The following KIRREL3 variants were observed in gnomAD, a reference collection of about 807,000 sequenced individuals.
KIRREL3 encodes the protein kirre like nephrin family adhesion molecule 3, also known as kin of IRRE-like protein 3.
Under a neutral mutation model 89.7 loss-of-function variants are expected in KIRREL3, and 36 were observed. The observed-to-expected ratio is 0.40, with a 90% CI of 0.31 to 0.53. The LOEUF (loss-of-function observed/expected upper bound fraction) is 0.53. Among genes scored for constraint, KIRREL3 ranks in the 20% least tolerant of loss-of-function variants. The pLI is 0.49. For missense variants in KIRREL3, 864 were observed against 1,056.6 expected (o/e 0.82, Z 2.53); for synonymous variants, 445 against 441.4 (o/e 1.01, Z -0.10).
At chr11:126,536,302 C>A (rs552318899) in intron 2 of KIRREL3, among the ~76,000 whole-genome samples, 1 of 151,982 alleles carries the variant, frequency 6.6e-6, no homozygotes, top group South Asian at 2.1e-4. Context: ...AGGAAGGTGG[C>A]CCAGTATCCT....
Position 126,508,679 on chromosome 11 carries a change from A to G in KIRREL3, c.433+12636T>C, listed in dbSNP as rs1274520304. Among the ~76,000 whole-genome samples the G allele has an allele frequency of 6.6e-6, 1 of 152,060 alleles. No individual in the cohort carries two copies. ...GGGGCATAATTGAGCATAAAGGGCC[A>G]GGGTTTCAGAGCCAGAAGCGACTGC... On this transcript the variant is annotated intron_variant, in intron 4 of 16. Transcript: ENST00000525144. The surrounding 1 kb of genome is among the most constrained non-coding windows in gnomAD (Gnocchi z 4.9).
In KIRREL3 at chr11:126,687,819, T is replaced by G. The variant is rs190286923; in HGVS notation, c.56-124907A>C. 3.6e-3 allele frequency among the ~76,000 whole-genome samples: 553 copies of G among 152,210 alleles called. 2 individuals are homozygous for G. Among genetic ancestry groups the G allele is most frequent in the African/African-American group, 0.012 (505 of 41,526 alleles). On this transcript the variant is annotated intron_variant, in intron 1 of 16. Transcript: ENST00000525144. The surrounding 1 kb of genome is among the most constrained non-coding windows in gnomAD (Gnocchi z 4.6). ...ACAGGCAAAGAGAGATGCGGTGAAA[T>G]GGCCATGGGAGCACAGCCTTGAAGA...
chr11:126,774,122 G>A (rs1011749383), intron 1 of KIRREL3, among the ~76,000 whole-genome samples: 6 of 143,518 alleles, frequency 4.2e-5, no homozygotes, highest in Non-Finnish European at 7.6e-5. Flanking sequence ...GTAGGAGCTT[G>A]TATTTAATCT....
At position 126,683,862 on chromosome 11, in the gene KIRREL3, G is replaced by A. The variant is rs138450647; in HGVS notation, c.56-120950C>T. ...GAAACCCTCGCCAGGCCCCAGACGC[G>A]CGTGGGTCCACCTACCGTCCATCTA... On this transcript the variant is annotated intron_variant, in intron 1 of 16. Coordinates refer to ENST00000525144, the MANE Select transcript of KIRREL3 (RefSeq NM_032531.4). This position sits in a 1 kb window ranked among gnomAD's most constrained non-coding sequence, Gnocchi z 5.2. Among the ~76,000 whole-genome samples the A allele has an allele frequency of 1.6e-4, 25 of 152,324 alleles. No homozygotes were observed. The highest frequency in any genetic ancestry group is 6.2e-4 in the South Asian group (3 of 4,828).
rs79316212 is a variant in KIRREL3, at chr11:126,950,652, G to A, written c.55+49803C>T. Among the ~76,000 whole-genome samples the A allele has an allele frequency of 6.5e-3, 987 of 152,324 alleles. 7 individuals are homozygous for A. Among genetic ancestry groups the A allele is most frequent in the African/African-American group, 0.022 (922 of 41,574 alleles). ...TGTAGAAAGTTACATTCTCCTTAAT[G>A]TGGATGCCTTCACCAACTGCTGCTC... is the stretch of plus-strand genomic sequence containing the variant. On this transcript the variant is annotated intron_variant, in intron 1 of 16. Coordinates refer to ENST00000525144, the MANE Select transcript of KIRREL3 (RefSeq NM_032531.4).
rs1197914804 is a variant in KIRREL3 at position 126,948,180 on chromosome 11, T to G, written c.55+52275A>C. ...TGCTTTTTGTAATCAACTTAAAGTA[T>G]AATACCTACCACGCTTGATGTCTTT... On this transcript the variant is annotated intron_variant, in intron 1 of 16. Transcript: ENST00000525144. The surrounding 1 kb of genome is among the most constrained non-coding windows in gnomAD (Gnocchi z 4.5). 6.6e-6 allele frequency among the ~76,000 whole-genome samples: 1 copy of G among 152,230 alleles called. No individual in the cohort carries two copies. Among genetic ancestry groups the G allele is most frequent in the Non-Finnish European group, 1.5e-5 (1 of 68,034 alleles).
rs1949712094 is a variant in KIRREL3, at chr11:126,763,049, A to T, written c.56-200137T>A. 2.0e-5 allele frequency among the ~76,000 whole-genome samples: 3 copies of T among 152,140 alleles called. No individual in the cohort carries two copies. Among genetic ancestry groups the T allele is most frequent in the Admixed American group, 2.0e-4 (3 of 15,278 alleles). On this transcript the variant is annotated intron_variant, in intron 1 of 16. Transcript: ENST00000525144. The surrounding 1 kb of genome is among the most constrained non-coding windows in gnomAD (Gnocchi z 4.7). ...TTCAACTTTGAGAGCATAACTAGGT[A>T]GGTAGAGAGGGGCTATGCCCAGGAG...
intron 1 of KIRREL3, among the ~76,000 whole-genome samples, chr11:126,941,751 A>C (rs1158011015): frequency 6.6e-6 from 1 of 152,216 alleles, no homozygotes; most frequent in Non-Finnish European, 1.5e-5. Context: ...GCTATCCCCA[A>C]ATCAGGGGCC....
At chr11:126,482,148 C>T (rs367565067) in intron 4 of KIRREL3, among the ~76,000 whole-genome samples, 1 of 152,196 alleles carries the variant, frequency 6.6e-6, no homozygotes, top group East Asian at 1.9e-4. Flanking sequence ...AAGTGATTCT[C>T]CTGCCTCAGC....
At position 126,748,907 on chromosome 11, in the gene KIRREL3, T is replaced by A. The variant is rs1255764382; in HGVS notation, c.56-185995A>T. Among the ~76,000 whole-genome samples the A allele has an allele frequency of 6.6e-6, 1 of 152,234 alleles. No individual in the cohort carries two copies. Among genetic ancestry groups the A allele is most frequent in the Non-Finnish European group, 1.5e-5 (1 of 68,044 alleles). Reference sequence around the variant, plus strand: ...ATTTGCAAGACCAAGTAATTCCTTCTCAGTTCATTGCCTCGTAGGTGGGAG... The same window carrying A: ...ATTTGCAAGACCAAGTAATTCCTTCACAGTTCATTGCCTCGTAGGTGGGAG... On this transcript the variant is annotated intron_variant, in intron 1 of 16. Transcript: ENST00000525144. The surrounding 1 kb of genome is among the most constrained non-coding windows in gnomAD (Gnocchi z 4.6).
rs537003704 is a variant in KIRREL3, at chr11:126,723,242, C to T, written c.56-160330G>A. ...ATTTCCCCCACTGAAACCTCCACAG[C>T]CCTCCTAGCAGAGACAGACACACTT... On this transcript the variant is annotated intron_variant, in intron 1 of 16. Transcript: ENST00000525144. The surrounding 1 kb of genome is among the most constrained non-coding windows in gnomAD (Gnocchi z 4.0). Among the ~76,000 whole-genome samples, 2 of 152,266 alleles carry T rather than the reference C, an allele frequency of 1.3e-5. No individual in the cohort carries two copies. The highest frequency in any genetic ancestry group is 4.8e-5 in the African/African-American group (2 of 41,546).
At chr11:126,499,385 A>G (rs939968043) in intron 4 of KIRREL3, among the ~76,000 whole-genome samples, 3 of 152,128 alleles carry the variant, frequency 2.0e-5, no homozygotes, top group Non-Finnish European at 4.4e-5. Flanking sequence ...TTCTGTTAAC[A>G]GGACCTAACT....
chr11:126,783,939 C>T lies in KIRREL3; in HGVS notation c.55+216516G>A, dbSNP rs905980551. 6.6e-5 allele frequency among the ~76,000 whole-genome samples: 10 copies of T among 152,138 alleles called. No individual in the cohort carries two copies. Among genetic ancestry groups the T allele is most frequent in the Admixed American group, 3.3e-4 (5 of 15,286 alleles). ...GATAGCACACACCCTTGATAGGATACGATGGAAACAGCACTTGTCTTTGTG... is the reference window on the plus strand; with the variant it reads ...GATAGCACACACCCTTGATAGGATATGATGGAAACAGCACTTGTCTTTGTG... On this transcript the variant is annotated intron_variant, in intron 1 of 16. Transcript: ENST00000525144. The surrounding 1 kb of genome is among the most constrained non-coding windows in gnomAD (Gnocchi z 4.3).
intron 1 of KIRREL3, among the ~76,000 whole-genome samples, chr11:126,598,789 CT>C (rs1942513006): frequency 6.6e-6 from 1 of 152,204 alleles, no homozygotes; most frequent in South Asian, 2.1e-4. Context: ...CTTAATTTTT[CT>C]GGGCTTCGGT....
chr11:126,679,794 C>A (rs1395083108), intron 1 of KIRREL3, among the ~76,000 whole-genome samples: 1 of 152,138 alleles, frequency 6.6e-6, no homozygotes, highest in Non-Finnish European at 1.5e-5. Flanking sequence ...CTCCAAATAG[C>A]CGGGGTTGAA....
intron 1 of KIRREL3, among the ~76,000 whole-genome samples, chr11:126,979,386 G>A (rs1452324739): frequency 6.6e-6 from 1 of 152,106 alleles, no homozygotes; most frequent in Non-Finnish European, 1.5e-5. Context: ...CATTACAATA[G>A]CTATTAACAT....
At chr11:126,863,436 CGTGTGTGA>C (rs1944783747) in intron 1 of KIRREL3, among the ~76,000 whole-genome samples, 6 of 60,462 alleles carry the variant, frequency 9.9e-5, no homozygotes, top group South Asian at 1.4e-3. Context: ...TGTGTGAGTG[CGTGTGTGA>C]GTGTGTGTGT....
chr11:126,747,376 C>T lies in KIRREL3; in HGVS notation c.56-184464G>A, dbSNP rs935527658. On this transcript the variant is annotated intron_variant, in intron 1 of 16. Coordinates refer to ENST00000525144, the MANE Select transcript of KIRREL3 (RefSeq NM_032531.4). This position sits in a 1 kb window ranked among gnomAD's most constrained non-coding sequence, Gnocchi z 4.7. ...AGTCCTCCATACTGAAAGCTAGTAC[C>T]GTCGTCCCATGCTCTTCCCCATTAT... 7.2e-5 allele frequency among the ~76,000 whole-genome samples: 11 copies of T among 152,194 alleles called. No homozygotes were observed. The highest frequency in any genetic ancestry group is 1.7e-4 in the African/African-American group (7 of 41,446).
In KIRREL3 at chr11:126,976,676, T is replaced by C. The variant is rs1949585515; in HGVS notation, c.55+23779A>G. Among the ~76,000 whole-genome samples the C allele has an allele frequency of 6.6e-6, 1 of 152,208 alleles. No individual in the cohort carries two copies. Among genetic ancestry groups the C allele is most frequent in the Non-Finnish European group, 1.5e-5 (1 of 68,038 alleles). ...TCATCATTATTATAGTGATAGTTAA[T>C]ATTTATTGAATTTTTCTATGTGTCA... On this transcript the variant is annotated intron_variant, in intron 1 of 16. Transcript: ENST00000525144. The surrounding 1 kb of genome is among the most constrained non-coding windows in gnomAD (Gnocchi z 4.2).
Sources: allele counts gnomAD v4.1 joint callset (sites outside exome capture counted in the v4.1 genomes callset), GRCh38; gene constraint gnomAD v4.1.1; non-coding constraint Gnocchi (gnomAD v3.1); transcripts MANE v1.5; gene names NCBI Gene and HGNC (gene_info 2026-07-23, HGNC 2026-07-21).